Variants in FTO observed in about 807,000 individuals in gnomAD.
FTO encodes FTO alpha-ketoglutarate dependent dioxygenase.
A neutral mutation model predicts 63.9 loss-of-function variants in FTO; 47 were observed. The observed-to-expected ratio is 0.74, with a 90% CI of 0.58 to 0.94. The LOEUF is 0.94. Ranked by LOEUF, FTO falls within the 40% of genes least tolerant of loss-of-function variation. The pLI is 0.00. For missense variants in FTO, 562 were observed against 618.1 expected (o/e 0.91, Z 0.96); for synonymous variants, 207 against 224.4 (o/e 0.92, Z 0.69).
chr16:53,749,865 T>G (rs2076741381), intron 1 of FTO, among the ~76,000 whole-genome samples: 1 of 152,232 alleles, frequency 6.6e-6, no homozygotes, highest in Non-Finnish European at 1.5e-5. Flanking sequence ...GGATATTGAA[T>G]TCTCTCAAAT....
intron 8 of FTO, among the ~76,000 whole-genome samples, chr16:54,097,110 A>G (rs529273204): frequency 3.9e-5 from 6 of 152,166 alleles, no homozygotes; most frequent in Non-Finnish European, 7.3e-5. Flanking sequence ...CTGTTTATAT[A>G]TATAACTACA....
chr16:54,040,020 C>T (rs941342565), intron 8 of FTO: 4 of 152,156 alleles, frequency 2.6e-5, no homozygotes, highest in Admixed American at 2.6e-4. Flanking sequence ...TGCTCCTCTC[C>T]GAAGCTGGAT....
intron 8 of FTO, among the ~76,000 whole-genome samples, chr16:54,028,064 G>A (rs1205145133): frequency 6.6e-6 from 1 of 152,066 alleles, no homozygotes; most frequent in Non-Finnish European, 1.5e-5. Context: ...CACATTGTTA[G>A]ATAAAGTATC....
At chr16:53,993,086 G>C (rs552589290) in intron 8 of FTO, 9 of 152,064 alleles carry the variant, frequency 5.9e-5, no homozygotes, top group Admixed American at 3.9e-4. Context: ...TACTTTTCTC[G>C]TTCTCTCCCC....
chr16:53,857,882 GC>G (rs2080053429), intron 4 of FTO, among the ~76,000 whole-genome samples: 1 of 152,146 alleles, frequency 6.6e-6, no homozygotes, highest in African/African-American at 2.4e-5. Context: ...GGAGACAAGT[GC>G]TATTCTGACA....
At chr16:53,931,178 G>T (rs77673765) in intron 7 of FTO, among the ~76,000 whole-genome samples, 1 of 151,984 alleles carries the variant, frequency 6.6e-6, no homozygotes, top group African/African-American at 2.4e-5. Flanking sequence ...ATTCACAGGG[G>T]GGAAAAATTT....
At chr16:53,993,266 C>T (rs2083855903) in intron 8 of FTO, 1 of 152,194 alleles carries the variant, frequency 6.6e-6, no homozygotes, top group South Asian at 2.1e-4. Context: ...GTTTATGACA[C>T]ATTTTATTAT....
intron 7 of FTO, among the ~76,000 whole-genome samples, chr16:53,898,788 G>A (rs566704405): frequency 6.6e-6 from 1 of 151,944 alleles, no homozygotes; most frequent in African/African-American, 2.4e-5. Context: ...CAAGTGATTT[G>A]CCCACCTCAG....
intron 1 of FTO, among the ~76,000 whole-genome samples, chr16:53,733,356 C>T (rs765525058): frequency 3.9e-5 from 6 of 151,976 alleles, no homozygotes; most frequent in East Asian, 3.9e-4. Context: ...GAGCCGAGAT[C>T]GCACAACTGC....
chr16:53,895,769 G>A (rs1051321155), intron 7 of FTO, among the ~76,000 whole-genome samples: 4 of 152,162 alleles, frequency 2.6e-5, no homozygotes, highest in South Asian at 2.1e-4. Flanking sequence ...TAAGAGGATC[G>A]TTCCTAGTGC....
chr16:53,748,262 C>A (rs1189654378), intron 1 of FTO, among the ~76,000 whole-genome samples: 1 of 150,162 alleles, frequency 6.7e-6, no homozygotes, highest in Non-Finnish European at 1.5e-5. Flanking sequence ...GTAGTATGGA[C>A]ATTTTAACAA....
At chr16:53,996,200 C>T (rs1377018452) in intron 8 of FTO, among the ~76,000 whole-genome samples, 2 of 152,168 alleles carry the variant, frequency 1.3e-5, no homozygotes, top group Non-Finnish European at 2.9e-5. Context: ...AGAAGCACCC[C>T]GATGGTTTCA....
At position 53,860,690 on chromosome 16, in the gene FTO, G is replaced by C. The variant is rs542694158; in HGVS notation, c.896-13096G>C. On this transcript the variant is annotated intron_variant, in intron 4 of 8. Coordinates refer to ENST00000471389, the MANE Select transcript of FTO (RefSeq NM_001080432.3). ...GTCATGAGAACAGCACTGAGAGGAT[G>C]GTGCTAAACCATTCATGAGAAACCG... 3.9e-5 allele frequency among the ~76,000 whole-genome samples: 6 copies of C among 152,172 alleles called. No homozygotes were observed. In the East Asian group the frequency reaches 1.2e-3, roughly 29 times the overall value.
At chr16:54,096,931 C>T (rs2086527819) in intron 8 of FTO, among the ~76,000 whole-genome samples, 1 of 152,160 alleles carries the variant, frequency 6.6e-6, no homozygotes, top group South Asian at 2.1e-4. Flanking sequence ...ATTGTCACTG[C>T]TTCAAGTGGT....
At chr16:53,809,838 G>A (rs2078473334) in intron 1 of FTO, among the ~76,000 whole-genome samples, 2 of 152,050 alleles carry the variant, frequency 1.3e-5, no homozygotes, top group Non-Finnish European at 2.9e-5. Context: ...CTACTTGGGA[G>A]GATGAGATGG....
At chr16:53,870,419 A>C (rs920051730) in intron 4 of FTO, among the ~76,000 whole-genome samples, 1 of 152,166 alleles carries the variant, frequency 6.6e-6, no homozygotes, top group Non-Finnish European at 1.5e-5. Flanking sequence ...CCAGCAATTC[A>C]GTAGTTACAG....
At chr16:53,973,594 G>C (rs551497582) in intron 8 of FTO, among the ~76,000 whole-genome samples, 1 of 152,100 alleles carries the variant, frequency 6.6e-6, no homozygotes, top group Non-Finnish European at 1.5e-5. Context: ...TCTGCCTCTG[G>C]TTCTGCCTCT....
Position 53,889,383 on chromosome 16 carries a change from A to G in FTO, c.1239+432A>G, listed in dbSNP as rs535041690. ...GGCAGGGAAATGAAGGGCCTCCCCC[A>G]GGGTCACTGAGTAAGTGGCACAGCA... is the stretch of plus-strand genomic sequence containing the variant. On this transcript the variant is annotated intron_variant, in intron 7 of 8. Coordinates refer to ENST00000471389, the MANE Select transcript of FTO (RefSeq NM_001080432.3). Among the ~76,000 whole-genome samples the G allele has an allele frequency of 6.4e-4, 98 of 152,308 alleles. 1 individual carries two copies. Among genetic ancestry groups the G allele is most frequent in the African/African-American group, 2.1e-3 (89 of 41,572 alleles).
chr16:53,746,794 CT>C (rs2076661074), intron 1 of FTO, among the ~76,000 whole-genome samples: 1 of 152,018 alleles, frequency 6.6e-6, no homozygotes, highest in African/African-American at 2.4e-5. Context: ...TAGAAAAAAC[CT>C]CCCAAACTTA....
Sources: allele counts gnomAD v4.1 joint callset (sites outside exome capture counted in the v4.1 genomes callset), GRCh38; gene constraint gnomAD v4.1.1; transcripts MANE v1.5; gene names NCBI Gene and HGNC (gene_info 2026-07-23, HGNC 2026-07-21).